Variants in MS4A14 observed in about 807,000 individuals in gnomAD.
MS4A14 encodes membrane spanning 4-domains A14.
Under a neutral mutation model 16.7 loss-of-function variants are expected in MS4A14, and 18 were observed. That is an observed-to-expected ratio of 1.08 (90% CI 0.75 to 1.60). The LOEUF (loss-of-function observed/expected upper bound fraction) is 1.60. MS4A14 is among the 40% of genes most tolerant of loss of function. MS4A14 has a pLI of 0.00. For missense variants in MS4A14, 812 were observed against 775.3 expected, an observed-to-expected ratio of 1.05 and a Z score of -0.56; for synonymous variants, 305 against 289.4, an observed-to-expected ratio of 1.05 and a Z score of -0.55.
chr11:60,408,473 T>C (rs1433869809), intron 4 of MS4A14, among the ~76,000 whole-genome samples: 1 of 152,186 alleles, frequency 6.6e-6, no homozygotes, highest in African/African-American at 2.4e-5. Flanking sequence ...ATTCCCCTCC[T>C]GATTGCCCCT....
rs2085959614 is a variant in MS4A14, at chr11:60,417,079, G to C, written c.*71G>C. ...TTGAAATGAAGCACTGGCAAACACA[G>C]GATCTATTAGAGAAAGAAGCCCTAA... On this transcript the variant is annotated 3_prime_UTR_variant, in exon 5 of 5. Coordinates refer to ENST00000300187, the MANE Select transcript of MS4A14 (RefSeq NM_032597.5). 23 of 1,522,006 alleles carry C rather than the reference G, an allele frequency of 1.5e-5. No homozygotes were observed. The highest frequency in any genetic ancestry group is 1.9e-5 in the Non-Finnish European group (22 of 1,139,536). The allele number at this position is 1,522,006 out of a possible 1,614,324, so 94.3% of individuals were successfully genotyped here. A position where few individuals can be genotyped will look rare whatever the true frequency, so the allele number is the denominator to read the frequency against.
intron 2 of MS4A14, among the ~76,000 whole-genome samples, chr11:60,399,662 A>G (rs184451199): frequency 8.3e-4 from 126 of 152,280 alleles, no homozygotes; most frequent in African/African-American, 3.0e-3. Flanking sequence ...ATGAGGAAAG[A>G]GTTTCCCGAA....
chr11:60,416,504 C>A lies in MS4A14; in HGVS notation c.1536C>A (p.Ser512=). The A allele has an allele frequency of 6.2e-7, 1 of 1,613,888 alleles. No individual in the cohort carries two copies. The highest frequency in any genetic ancestry group is 8.5e-7 in the Non-Finnish European group (1 of 1,179,944). The change falls in exon 5 of 5, where the codon TCC becomes TCA. Residue 512 remains serine (S), a synonymous_variant. Coordinates refer to ENST00000300187, the MANE Select transcript of MS4A14 (RefSeq NM_032597.5). ...ACGTGCAAGCCAAAGGCCAGAAATC[C>A]TCAAAGAGGCATTCCTTAGATCAGC... The part of the protein sequence containing the change: ...SLDVQAKGQK[S]SKRHSLDQQS...
chr11:60,416,435 C>A lies in MS4A14; in HGVS notation c.1467C>A (p.Asn489Lys). Reference protein sequence around the residue: ...RRKSSRRHSLNQQTKALQYLR... With the variant: ...RRKSSRRHSLKQQTKALQYLR... ...AATCCTCAAGACGGCATTCCTTAAA[C>A]CAGCAAACCAAAGCCTTGCAATACT... The change falls in exon 5 of 5, where the codon AAC (asparagine) becomes AAA (lysine). Residue 489 changes from asparagine (N) to lysine (K), a missense_variant. By Grantham distance (94) the Asn-to-Lys change is moderately conservative. Transcript: ENST00000300187. 2 of 1,613,928 alleles carry A rather than the reference C, an allele frequency of 1.2e-6. No individual in the cohort carries two copies. Among genetic ancestry groups the A allele is most frequent in the Non-Finnish European group, 1.7e-6 (2 of 1,179,928 alleles).
chr11:60,398,443 T>C (rs553727480), intron 2 of MS4A14, among the ~76,000 whole-genome samples: 2 of 152,332 alleles, frequency 1.3e-5, no homozygotes, highest in East Asian at 3.9e-4. Flanking sequence ...CTCATCTAGA[T>C]AATCATATAG....
rs973265397 is a variant in MS4A14 at position 60,415,636 on chromosome 11, A to G, written c.668A>G (p.Asn223Ser). 5.0e-6 allele frequency: 8 copies of G among 1,613,730 alleles called. No homozygotes were observed. The African/African-American group carries it at 9.3e-5, about 19-fold the overall frequency. ...SRSPLVSQPG[N>S]KGREFVPDEQ... ...AGTCCTTTAGTCTCCCAACCAGGTA[A>G]TAAAGGTAGAGAATTTGTGCCAGAT... The change falls in exon 5 of 5, where the codon AAT becomes AGT. Residue 223 changes from asparagine to serine, a missense_variant. Coordinates refer to ENST00000300187, the MANE Select transcript of MS4A14 (RefSeq NM_032597.5).
intron 2 of MS4A14, among the ~76,000 whole-genome samples, chr11:60,399,475 A>C (rs964293011): frequency 7.2e-5 from 11 of 152,240 alleles, no homozygotes; most frequent in Non-Finnish European, 8.8e-5. Context: ...CCCTATAGTC[A>C]TGTTAAGAAA....
At chr11:60,398,049 A>G in intron 2 of MS4A14, 69 bp downstream of exon 2, 1 of 1,540,374 alleles carries the variant, frequency 6.5e-7, no homozygotes, top group Non-Finnish European at 8.8e-7. Flanking sequence ...TTCACGTCCT[A>G]GGGTAATGAA....
At chr11:60,404,040 A>G (rs1457915288) in intron 4 of MS4A14, among the ~76,000 whole-genome samples, 1 of 152,098 alleles carries the variant, frequency 6.6e-6, no homozygotes, top group Non-Finnish European at 1.5e-5. Context: ...AAGCGATAAA[A>G]CCCTGTCCTA....
chr11:60,408,808 G>T (rs1287780388), intron 4 of MS4A14, among the ~76,000 whole-genome samples: 4 of 152,046 alleles, frequency 2.6e-5, no homozygotes, highest in African/African-American at 9.7e-5. Context: ...CAATTCTTTT[G>T]GATACATACC....
chr11:60,397,808 T>C, intron 1 of MS4A14, 44 bp from the exon 2 acceptor site: 1 of 1,601,706 alleles, frequency 6.2e-7, no homozygotes, highest in Admixed American at 1.7e-5. Flanking sequence ...GCCCACAGGG[T>C]CTTGGATACT....
chr11:60,401,187 G>A (rs954380221), intron 3 of MS4A14, among the ~76,000 whole-genome samples: 3 of 152,172 alleles, frequency 2.0e-5, no homozygotes, highest in Non-Finnish European at 4.4e-5. Flanking sequence ...ATGCTTAAAT[G>A]TTCATACTCC....
intron 4 of MS4A14, among the ~76,000 whole-genome samples, chr11:60,412,974 G>A (rs1320454769): frequency 6.6e-6 from 1 of 151,852 alleles, no homozygotes. Context: ...TCTGATCCAT[G>A]TCCATGAAAC....
Position 60,416,073 on chromosome 11 carries a change from G to C in MS4A14, c.1105G>C (p.Asp369His), listed in dbSNP as rs564747231. Residue 369 changes from aspartate (D) to histidine (H), a missense_variant, in exon 5 of 5, where the codon GAT becomes CAT. Physicochemically the swap from Asp to His is moderately conservative, Grantham distance 81. Transcript: ENST00000300187. ...ACTATCCCAAGACACATCATCTCAA[G>C]ATATGCTGTTTCATGACATGACATC... is the stretch of plus-strand genomic sequence containing the variant. ...GILSQDTSSQDMLFHDMTSQD... is the reference protein window; with the variant it reads ...GILSQDTSSQHMLFHDMTSQD... 34 of 1,611,974 alleles carry C rather than the reference G, an allele frequency of 2.1e-5. No individual in the cohort carries two copies. In the East Asian group the frequency reaches 6.7e-4, roughly 32 times the overall value.
In MS4A14 at chr11:60,415,916, A is replaced by C; in HGVS notation, c.948A>C (p.Ser316=). Residue 316 remains serine, a synonymous_variant, in exon 5 of 5, where the codon TCA becomes TCC. Coordinates refer to ENST00000300187, the MANE Select transcript of MS4A14 (RefSeq NM_032597.5). The part of the protein sequence containing the change: ...SHSALKLEDI[S]PEDLPSQALP... ...CTGCACTAAAACTCGAAGATATATC[A>C]CCTGAAGACTTGCCATCCCAAGCTC... 1 of 1,613,930 alleles carries C rather than the reference A, an allele frequency of 6.2e-7. No homozygotes were observed.
At chr11:60,396,783 C>A in intron 1 of MS4A14, 67 bp downstream of exon 1, 1 of 1,491,208 alleles carries the variant, frequency 6.7e-7, no homozygotes, top group South Asian at 1.3e-5. Context: ...TCATGTATGT[C>A]TGCAGAGATA....
intron 4 of MS4A14, among the ~76,000 whole-genome samples, chr11:60,406,864 C>CATA (rs1051788160): frequency 1.3e-5 from 2 of 152,138 alleles, no homozygotes; most frequent in African/African-American, 4.8e-5. Flanking sequence ...TTCATGGAAT[C>CATA]ATAAGTAAGT....
chr11:60,416,976 A>G lies in MS4A14; in HGVS notation c.2008A>G (p.Asn670Asp), dbSNP rs1590824959. Residue 670 changes from asparagine to aspartate, a missense_variant, in exon 5 of 5, where the codon AAT (asparagine) becomes GAT (aspartate). Coordinates refer to ENST00000300187, the MANE Select transcript of MS4A14 (RefSeq NM_032597.5). The stretch of plus-strand genomic sequence containing the variant: ...CCAGGCTGGACAACCCAGGACTGTC[A>G]ATCTTTTGGCCAAGAATCCCCTGAC... Reference protein sequence around the residue: ...NLQAGQPRTVNLLAKNPLTG With the variant: ...NLQAGQPRTVDLLAKNPLTG 1.9e-6 allele frequency: 3 copies of G among 1,613,014 alleles called. No homozygotes were observed. Among genetic ancestry groups the G allele is most frequent in the African/African-American group, 1.3e-5 (1 of 75,010 alleles).
intron 1 of MS4A14, among the ~76,000 whole-genome samples, chr11:60,397,301 C>T (rs2085640664): frequency 6.6e-6 from 1 of 152,106 alleles, no homozygotes; most frequent in Non-Finnish European, 1.5e-5. Flanking sequence ...TATTCTCATC[C>T]CTAGTTGGGT....
Sources: allele counts gnomAD v4.1 joint callset (sites outside exome capture counted in the v4.1 genomes callset), GRCh38; gene constraint gnomAD v4.1.1; transcripts MANE v1.5; gene names NCBI Gene and HGNC (gene_info 2026-07-23, HGNC 2026-07-21).